Variants in NR5A2 observed in about 807,000 individuals in gnomAD.
NR5A2 encodes the protein CYP7A promoter-binding factor.
A neutral mutation model predicts 62.7 loss-of-function variants in NR5A2; 26 were observed. The observed-to-expected ratio is 0.41, with a 90% CI of 0.30 to 0.58. The LOEUF (loss-of-function observed/expected upper bound fraction) is 0.58, where lower values mean the gene tolerates loss of function less well. Among genes scored for constraint, NR5A2 ranks in the 20% least tolerant of loss-of-function variants. The probability of loss-of-function intolerance (pLI) is 0.22; values close to 1 mark genes in which losing one functional copy is unlikely to be tolerated. For missense variants in NR5A2, 541 were observed against 669.1 expected, an observed-to-expected ratio of 0.81 and a Z score of 2.11; for synonymous variants, 246 against 241.7, an observed-to-expected ratio of 1.02 and a Z score of -0.16.
intron 7 of NR5A2, among the ~76,000 whole-genome samples, chr1:200,144,229 T>TCACACA (rs770054105): frequency 7.0e-4 from 89 of 127,074 alleles, no homozygotes; most frequent in African/African-American, 2.3e-3. Context: ...TCTCTCTCTC[T>TCACACA]CTCTCACACA....
At chr1:200,033,750 C>G (rs951554429) in intron 1 of NR5A2, among the ~76,000 whole-genome samples, 1 of 152,202 alleles carries the variant, frequency 6.6e-6, no homozygotes, top group African/African-American at 2.4e-5. Flanking sequence ...AAGCCCACGC[C>G]CTTCTAATTG....
intron 7 of NR5A2, among the ~76,000 whole-genome samples, chr1:200,150,286 A>C (rs149574566): frequency 2.0e-5 from 3 of 152,374 alleles, no homozygotes; most frequent in African/African-American, 7.2e-5. Context: ...TGTACTATTC[A>C]TTCAAGGAGT....
intron 5 of NR5A2, among the ~76,000 whole-genome samples, chr1:200,059,250 A>G (rs12096259): frequency 0.12 from 18,233 of 152,138 alleles, 1,169 homozygotes; most frequent in Middle Eastern, 0.21. Context: ...CAGGCTATAT[A>G]TAATTGGAGG....
intron 7 of NR5A2, among the ~76,000 whole-genome samples, chr1:200,142,804 AATTT>A (rs976861130): frequency 1.2e-4 from 18 of 151,722 alleles, no homozygotes; most frequent in Non-Finnish European, 1.8e-4. Context: ...TTAATTAATC[AATTT>A]ATTTATTAAG....
At position 200,048,593 on chromosome 1, in the gene NR5A2, G is replaced by A. The variant is rs752657807; in HGVS notation, c.885G>A (p.Thr295=). ...ATTCATATATGGATAGTTACCAGAC[G>A]AGCTCTCCAGCAAGCATCCCACATC... ...MGYSYMDSYQ[T]SSPASIPHLI... is the part of the protein sequence containing the mutation. Residue 295 remains threonine (T), a synonymous_variant, in exon 5 of 8, where the codon ACG becomes ACA. Transcript: ENST00000367362. The surrounding 1 kb of genome is among the most constrained non-coding windows in gnomAD (Gnocchi z 4.8). The A allele has an allele frequency of 5.0e-6, 8 of 1,614,074 alleles. No homozygotes were observed. Among genetic ancestry groups the A allele is most frequent in the Middle Eastern group, 1.6e-4 (1 of 6,062 alleles).
rs1667793019 is a variant in NR5A2 at position 200,147,984 on chromosome 1, ACCT to A, written c.1379-25973_1379-25971del. The A allele has an allele frequency of 1.3e-5, 4 of 306,558 alleles. No individual in the cohort carries two copies. Among genetic ancestry groups the A allele is most frequent in the Non-Finnish European group, 1.9e-5 (3 of 161,366 alleles). 19.0% of individuals were successfully genotyped at this position (306,558 alleles called of 1,614,324 possible). On this transcript the variant is annotated intron_variant, in intron 7 of 7. Coordinates refer to ENST00000367362, the MANE Select transcript of NR5A2 (RefSeq NM_205860.3). The surrounding 1 kb of genome is among the most constrained non-coding windows in gnomAD (Gnocchi z 4.9). ...GGCGATGCATCGGGCGGCCGCCTTG[ACCT>A]CCTCCCGCGAGCCGAAAACGCCCAG...
At chr1:200,064,044 G>A (rs1663352783) in intron 5 of NR5A2, among the ~76,000 whole-genome samples, 1 of 151,988 alleles carries the variant, frequency 6.6e-6, no homozygotes, top group Non-Finnish European at 1.5e-5. Flanking sequence ...AGCAACTCAG[G>A]AGTCTGAGGC....
intron 5 of NR5A2, among the ~76,000 whole-genome samples, chr1:200,107,247 G>T (rs775051706): frequency 8.6e-5 from 13 of 151,354 alleles, no homozygotes; most frequent in Non-Finnish European, 1.6e-4. Context: ...GAAAACTGCA[G>T]AAGTGAAAGT....
At chr1:200,036,793 T>G (rs753304882) in intron 1 of NR5A2, among the ~76,000 whole-genome samples, 7 of 152,200 alleles carry the variant, frequency 4.6e-5, no homozygotes, top group Non-Finnish European at 8.8e-5. Context: ...AAAGGTCGTT[T>G]TCTCTCGCTC....
intron 5 of NR5A2, among the ~76,000 whole-genome samples, chr1:200,090,601 G>A (rs1664768024): frequency 6.6e-6 from 1 of 152,150 alleles, no homozygotes; most frequent in Non-Finnish European, 1.5e-5. Flanking sequence ...CTCTTTCATT[G>A]GGATTAAAGA....
rs756874909 is a variant in NR5A2, at chr1:200,066,588, C to CTTTT, written c.1110+17784_1110+17787dup. Among the ~76,000 whole-genome samples, 24 of 113,154 alleles carry CTTTT rather than the reference C, an allele frequency of 2.1e-4. 3 individuals carry two copies. Among genetic ancestry groups the CTTTT allele is most frequent in the African/African-American group, 9.0e-4 (22 of 24,430 alleles). The allele number at this position is 113,154 out of a possible 152,430, so 74.2% of individuals were successfully genotyped here. On this transcript the variant is annotated intron_variant, in intron 5 of 7. Coordinates refer to ENST00000367362, the MANE Select transcript of NR5A2 (RefSeq NM_205860.3). ...CCCTGCCATCTATTTAATTAATTAT[C>CTTTT]TTTTTTTTTTTTTTTTTGAGAGGGA...
chr1:200,159,798 C>G (rs1490091516), intron 7 of NR5A2, among the ~76,000 whole-genome samples: 1 of 151,682 alleles, frequency 6.6e-6, no homozygotes, highest in Non-Finnish European at 1.5e-5. Context: ...ATTACAGGCG[C>G]GAGCCACCAG....
At position 200,039,822 on chromosome 1, in the gene NR5A2, G is replaced by A. The variant is rs1326365496; in HGVS notation, c.202+27G>A. 1.3e-6 allele frequency: 2 copies of A among 1,584,848 alleles called. No individual in the cohort carries two copies. Among genetic ancestry groups the A allele is most frequent in the Non-Finnish European group, 1.7e-6 (2 of 1,168,472 alleles). ...TAAGGAGGCGCCGCGCGGCGCTCCG[G>A]CTCCCGCTGCTTCCCCACCCCCGGG... is the stretch of plus-strand genomic sequence containing the variant. On this transcript the variant is annotated intron_variant, in intron 2 of 7. Coordinates refer to ENST00000367362, the MANE Select transcript of NR5A2 (RefSeq NM_205860.3). This position sits in a 1 kb window ranked among gnomAD's most constrained non-coding sequence, Gnocchi z 5.1.
chr1:200,053,361 T>G (rs1019151866), intron 5 of NR5A2, among the ~76,000 whole-genome samples: 1 of 152,136 alleles, frequency 6.6e-6, no homozygotes. Flanking sequence ...ACTCATTGCC[T>G]AGAAATCACA....
At chr1:200,171,321 A>T (rs1654168856) in intron 7 of NR5A2, among the ~76,000 whole-genome samples, 1 of 152,194 alleles carries the variant, frequency 6.6e-6, no homozygotes, top group South Asian at 2.1e-4. Flanking sequence ...TTCAATTCTG[A>T]TCAGCTTTAG....
Position 200,052,176 on chromosome 1 carries a change from G to A in NR5A2, c.1110+3358G>A, listed in dbSNP as rs184834150. ...GAGGTTTTATCGGCCATCCATTGGCGTTGCCTACCTGCTACAATTAAGGAT... is the reference window on the plus strand; with the variant it reads ...GAGGTTTTATCGGCCATCCATTGGCATTGCCTACCTGCTACAATTAAGGAT... On this transcript the variant is annotated intron_variant, in intron 5 of 7. Coordinates refer to ENST00000367362, the MANE Select transcript of NR5A2 (RefSeq NM_205860.3). Among the ~76,000 whole-genome samples, 359 of 152,196 alleles carry A rather than the reference G, an allele frequency of 2.4e-3. 2 individuals are homozygous for A. The highest frequency in any genetic ancestry group is 8.0e-3 in the African/African-American group (333 of 41,520).
At chr1:200,106,528 C>A (rs1460681867) in intron 5 of NR5A2, among the ~76,000 whole-genome samples, 1 of 152,108 alleles carries the variant, frequency 6.6e-6, no homozygotes. Flanking sequence ...TAAGCCCTTC[C>A]TTTTATTGTA....
intron 5 of NR5A2, among the ~76,000 whole-genome samples, chr1:200,053,834 G>C (rs910434306): frequency 1.3e-5 from 2 of 152,146 alleles, no homozygotes; most frequent in African/African-American, 4.8e-5. Context: ...CAGTACAGTG[G>C]ATTCAGCACT....
intron 7 of NR5A2, among the ~76,000 whole-genome samples, chr1:200,127,400 G>T (rs1464095308): frequency 6.6e-6 from 1 of 151,900 alleles, no homozygotes; most frequent in Non-Finnish European, 1.5e-5. Flanking sequence ...CAAAAGGCCG[G>T]GTACAGTGGC....
Sources: gnomAD v4.1 joint callset for allele counts (sites outside exome capture counted in the v4.1 genomes callset) on GRCh38, gnomAD v4.1.1 for gene constraint, Gnocchi (gnomAD v3.1) non-coding constraint, MANE v1.5 for transcripts, NCBI Gene and HGNC (gene_info 2026-07-23, HGNC 2026-07-21) for gene names.